GPN3: variants seen among roughly 807,000 people sequenced by gnomAD.
GPN3 encodes ATP-binding domain 1 family member C.
In GPN3, 31 loss-of-function variants were observed where a neutral mutation model predicts 38.7. The observed-to-expected ratio is 0.80, with a 90% CI of 0.60 to 1.08. GPN3 has a LOEUF of 1.08. GPN3 is among the 50% of genes least tolerant of loss of function. The pLI is 0.00. For missense variants in GPN3, 301 were observed against 354.4 expected (o/e 0.85, Z 1.21); for synonymous variants, 116 against 120.2 (o/e 0.96, Z 0.23).
rs1469910775 is a variant in GPN3 at position 110,453,183 on chromosome 12, C to G, written c.793-87G>C. 9.1e-5 allele frequency: 61 copies of G among 673,500 alleles called. 1 individual carries two copies. The South Asian group carries it at 1.1e-3, about 12-fold the overall frequency. The allele number at this position is 673,500 out of a possible 1,614,324, so 41.7% of individuals were successfully genotyped here. On this transcript the variant is annotated intron_variant, in intron 7 of 7. Transcript: ENST00000228827. Reference sequence around the variant, plus strand: ...GTGTTTATATATTTTTCAGGTAATACCCTATGTGGAACTAATTACCCAGCA... The same window carrying G: ...GTGTTTATATATTTTTCAGGTAATAGCCTATGTGGAACTAATTACCCAGCA...
rs775603312 is a variant in GPN3 at position 110,457,628 on chromosome 12, A to G, written c.332T>C (p.Ile111Thr). 4 of 1,595,538 alleles carry G rather than the reference A, an allele frequency of 2.5e-6. No homozygotes were observed. Among genetic ancestry groups the G allele is most frequent in the Non-Finnish European group, 3.4e-6 (4 of 1,170,562 alleles). Residue 111 changes from isoleucine (I) to threonine (T), a missense_variant, in exon 4 of 8, where the codon ATT (isoleucine) becomes ACT (threonine). Physicochemically the swap from Ile to Thr is moderately conservative, Grantham distance 89. Coordinates refer to ENST00000228827, the MANE Select transcript of GPN3 (RefSeq NM_016301.4). ...CACAGGCAGGTGAGTGTACAACTCAATCTGACCTACATGAAGAGTATTGCA... is the reference window on the plus strand; with the variant it reads ...CACAGGCAGGTGAGTGTACAACTCAGTCTGACCTACATGAAGAGTATTGCA... ...DYILFDCPGQ[I>T]ELYTHLPVMK...
intron 6 of GPN3, among the ~76,000 whole-genome samples, chr12:110,455,195 C>A (rs549300046): frequency 1.4e-4 from 22 of 152,132 alleles, no homozygotes; most frequent in Non-Finnish European, 2.9e-4. Context: ...ATGATCTCAA[C>A]TCACTGCAAC....
rs536196778 is a variant in GPN3, at chr12:110,461,011, C to T, written c.158-1149G>A. ...GAATGGCTCCTGCAAAGAAGGGTGGCGAGAAGAAAAAGGGCCATTCTGCCA... is the reference window on the plus strand; with the variant it reads ...GAATGGCTCCTGCAAAGAAGGGTGGTGAGAAGAAAAAGGGCCATTCTGCCA... On this transcript the variant is annotated intron_variant, in intron 2 of 7. Transcript: ENST00000228827. 3.1e-5 allele frequency: 49 copies of T among 1,568,530 alleles called. No individual in the cohort carries two copies. In the Admixed American group the frequency reaches 7.4e-4, roughly 24 times the overall value.
intron 6 of GPN3, among the ~76,000 whole-genome samples, chr12:110,454,790 G>A (rs1024063355): frequency 2.6e-5 from 4 of 151,538 alleles, no homozygotes; most frequent in Non-Finnish European, 5.9e-5. Context: ...AGCCTCCACA[G>A]TAGCTGAGAC....
chr12:110,466,002 G>A (rs531339504), intron 1 of GPN3, among the ~76,000 whole-genome samples: 3 of 151,916 alleles, frequency 2.0e-5, no homozygotes, highest in East Asian at 1.9e-4. Context: ...GCTTGAACCC[G>A]GGAGGCAGAG....
chr12:110,458,122 TAAAA>T lies in GPN3; in HGVS notation c.326-492_326-489del, dbSNP rs944509206. 1.3e-5 allele frequency among the ~76,000 whole-genome samples: 2 copies of T among 149,894 alleles called. No homozygotes were observed. Among genetic ancestry groups the T allele is most frequent in the East Asian group, 3.9e-4 (2 of 5,108 alleles). ...CAGAGTAAGACTCTGTCTTTAAAAATAAAAAAAAAGAAAGAAAGAAAGAAAATGA... is the reference window on the plus strand; with the variant it reads ...CAGAGTAAGACTCTGTCTTTAAAAATAAAAAGAAAGAAAGAAAGAAAATGA... On this transcript the variant is annotated intron_variant, in intron 3 of 7. Transcript: ENST00000228827. This position sits in a 1 kb window ranked among gnomAD's most constrained non-coding sequence, Gnocchi z 4.4.
At chr12:110,461,454 G>A in intron 2 of GPN3, 1 of 557,204 alleles carries the variant, frequency 1.8e-6, no homozygotes, top group Non-Finnish European at 3.2e-6. Flanking sequence ...AGAAAAATTA[G>A]TCAGGTGTGC....
upstream of GPN3, chr12:110,468,444 C>A: frequency 6.5e-7 from 1 of 1,535,128 alleles, no homozygotes. Flanking sequence ...GGAAATCGGC[C>A]GTTGGGATGC....
intron 1 of GPN3, 77 bp from the exon 2 acceptor site, chr12:110,465,291 A>C: frequency 1.2e-6 from 1 of 847,290 alleles, no homozygotes; most frequent in Non-Finnish European, 2.1e-6. Context: ...AATACTATCC[A>C]CTAAGGTCAA....
rs1422995267 is a variant in GPN3 at position 110,461,305 on chromosome 12, T to G, written c.158-1443A>C. ...CACCAAATAAGCCATATACTTTGGT[T>G]ACCTATGTACCTGTCACCACTTTCA... On this transcript the variant is annotated intron_variant, in intron 2 of 7. Transcript: ENST00000228827. The G allele has an allele frequency of 5.9e-6, 7 of 1,186,802 alleles. No individual in the cohort carries two copies. In the East Asian group the frequency reaches 1.6e-4, roughly 28 times the overall value. 73.5% of individuals were successfully genotyped at this position (1,186,802 alleles called of 1,614,324 possible).
At chr12:110,464,873 A>G (rs2062616119) in intron 2 of GPN3, 2 of 486,824 alleles carry the variant, frequency 4.1e-6, no homozygotes, top group Non-Finnish European at 7.5e-6. Flanking sequence ...AATTACAGGC[A>G]TGAGCCTCCG....
In GPN3 at chr12:110,453,092, C is replaced by T. The variant is rs2135511287; in HGVS notation, c.797G>A (p.Arg266His). The T allele has an allele frequency of 2.9e-6, 4 of 1,395,220 alleles. No homozygotes were observed. The highest frequency in any genetic ancestry group is 4.1e-6 in the Non-Finnish European group (4 of 983,524). 86.4% of individuals were successfully genotyped at this position (1,395,220 alleles called of 1,614,324 possible). Residue 266 changes from arginine to histidine, a missense_variant, in exon 8 of 8, where the codon CGT (arginine) becomes CAT (histidine). Arg to His is a conservative substitution (Grantham distance 29, BLOSUM62 0). Transcript: ENST00000228827. ...AAACATAGAGGAAGACTCATCTTCA[C>T]GTTCCTGACACAATGGAAACACAAA... Reference protein sequence around the residue: ...EDLEFKEPKEREDESSSMFDE... With the variant: ...EDLEFKEPKEHEDESSSMFDE...
chr12:110,468,484 G>A (rs188852690), upstream of GPN3: 18 of 1,537,018 alleles, frequency 1.2e-5, no homozygotes, highest in African/African-American at 1.9e-4. Context: ...GAGTAATAAC[G>A]GACAACAGAT....
At chr12:110,459,015 C>T (rs1422476728) in intron 3 of GPN3, among the ~76,000 whole-genome samples, 4 of 152,082 alleles carry the variant, frequency 2.6e-5, no homozygotes, top group Admixed American at 6.6e-5. Flanking sequence ...GCTGAAAGGC[C>T]GCCTCAGATG....
chr12:110,454,823 T>A (rs1396214342), intron 6 of GPN3, among the ~76,000 whole-genome samples: 1 of 150,880 alleles, frequency 6.6e-6, no homozygotes, highest in East Asian at 1.9e-4. Flanking sequence ...GCACCATGCC[T>A]GGCTTTTTTT....
At position 110,452,886 on chromosome 12, in the gene GPN3, A is replaced by G. The variant is rs2062521985; in HGVS notation, c.*148T>C. On this transcript the variant is annotated 3_prime_UTR_variant, in exon 8 of 8. Coordinates refer to ENST00000228827, the MANE Select transcript of GPN3 (RefSeq NM_016301.4). ...AGCAGCAGTTTCAGAATAATTAAAA[A>G]TTTGATTCAGGCATGAGGCTGATAA... 6 of 633,580 alleles carry G rather than the reference A, an allele frequency of 9.5e-6. No homozygotes were observed. Among genetic ancestry groups the G allele is most frequent in the South Asian group, 8.6e-5 (5 of 58,288 alleles). 39.2% of individuals were successfully genotyped at this position (633,580 alleles called of 1,614,324 possible). A position where few individuals can be genotyped will look rare whatever the true frequency, so the allele number is the denominator to read the frequency against.
At chr12:110,464,942 A>T in intron 2 of GPN3, 164 bp downstream of exon 2, 1 of 623,718 alleles carries the variant, frequency 1.6e-6, no homozygotes. Flanking sequence ...ATACTGTCAC[A>T]CATATCACCA....
In GPN3 at chr12:110,453,879, T is replaced by C. The variant is rs1380929791; in HGVS notation, c.664-8A>G. 3 of 1,593,492 alleles carry C rather than the reference T, an allele frequency of 1.9e-6. No individual in the cohort carries two copies. Among genetic ancestry groups the C allele is most frequent in the African/African-American group, 2.7e-5 (2 of 74,048 alleles). ...CATGCTGTAGTCATCAATCTACAAG[T>C]TGTGGATTTCAAGAAAAGTTCATTC... On this transcript the variant is annotated splice_region_variant and splice_polypyrimidine_tract_variant and intron_variant, in intron 6 of 7. Transcript: ENST00000228827.
Position 110,462,190 on chromosome 12 carries a change from G to A in GPN3, c.158-2328C>T, listed in dbSNP as rs1045956362. Among the ~76,000 whole-genome samples, 3 of 152,226 alleles carry A rather than the reference G, an allele frequency of 2.0e-5. No individual in the cohort carries two copies. The East Asian group carries it at 5.8e-4, about 29-fold the overall frequency. On this transcript the variant is annotated intron_variant, in intron 2 of 7. Coordinates refer to ENST00000228827, the MANE Select transcript of GPN3 (RefSeq NM_016301.4). The stretch of plus-strand genomic sequence containing the variant: ...TAGCTTAGAGTGGTTTCTGTTTGCT[G>A]CAGCCAAATGGTTCCAAAGTAATAC...
Sources: allele counts gnomAD v4.1 joint callset (sites outside exome capture counted in the v4.1 genomes callset), GRCh38; gene constraint gnomAD v4.1.1; non-coding constraint Gnocchi (gnomAD v3.1); transcripts MANE v1.5; gene names NCBI Gene and HGNC (gene_info 2026-07-23, HGNC 2026-07-21).